FOXM1: variants seen among roughly 807,000 people sequenced by gnomAD.
FOXM1 encodes forkhead box M1, also known as forkhead box protein M1.
A neutral mutation model predicts 63.6 loss-of-function variants in FOXM1; 25 were observed. The observed-to-expected ratio is 0.39, with a 90% confidence interval of 0.29 to 0.55. The LOEUF is 0.55. Among genes scored for constraint, FOXM1 ranks in the 20% least tolerant of loss-of-function variants. The pLI, the probability that FOXM1 is intolerant of heterozygous loss-of-function variation, is 0.60. For synonymous variants in FOXM1, 387 were observed against 376.9 expected, an observed-to-expected ratio of 1.03 and a Z score of -0.31; for missense variants, 879 against 958.7, an observed-to-expected ratio of 0.92 and a Z score of 1.10.
At chr12:2,861,920 C>G (rs1479877505) in intron 8 of FOXM1, among the ~76,000 whole-genome samples, 1 of 152,122 alleles carries the variant, frequency 6.6e-6, no homozygotes, top group Non-Finnish European at 1.5e-5. Flanking sequence ...GTGGGTCATT[C>G]CTGTAATCTC....
chr12:2,863,482 G>A (rs750995005), intron 8 of FOXM1, among the ~76,000 whole-genome samples: 3 of 151,246 alleles, frequency 2.0e-5, no homozygotes, highest in Non-Finnish European at 2.9e-5. Flanking sequence ...TCAACCTCCT[G>A]GACTCAAGTG....
At chr12:2,869,977 G>A (rs1400244093) in intron 3 of FOXM1, among the ~76,000 whole-genome samples, 7 of 151,264 alleles carry the variant, frequency 4.6e-5, no homozygotes, top group African/African-American at 7.3e-5. Flanking sequence ...ACATATACAC[G>A]CATGTAAATT....
chr12:2,875,761 ATT>A (rs568267379), intron 1 of FOXM1, among the ~76,000 whole-genome samples: 2 of 133,364 alleles, frequency 1.5e-5, no homozygotes, highest in Middle Eastern at 3.5e-3. Flanking sequence ...ATTTTTTTTA[ATT>A]TTTTTTTTTT....
rs2098112016 is a variant in FOXM1 at position 2,861,166 on chromosome 12, T to TC, written c.1267-1504dup. 6 of 496,392 alleles carry TC rather than the reference T, an allele frequency of 1.2e-5. No homozygotes were observed. In the South Asian group the frequency reaches 1.3e-4, roughly 11 times the overall value. The allele number at this position is 496,392 out of a possible 1,614,324, so 30.7% of individuals were successfully genotyped here. A position where few individuals can be genotyped will look rare whatever the true frequency, so the allele number is the denominator to read the frequency against. ...CTGGGTGACAGAGCAAGACTCCGTCTCAAAAAAAAAAAAAAAGAGCTCTCA... is the reference window on the plus strand; with the variant it reads ...CTGGGTGACAGAGCAAGACTCCGTCTCCAAAAAAAAAAAAAAAGAGCTCTCA... On this transcript the variant is annotated intron_variant, in intron 8 of 8. Transcript: ENST00000359843.
At chr12:2,865,082 C>A in intron 6 of FOXM1, 1 of 587,436 alleles carries the variant, frequency 1.7e-6, no homozygotes, top group Non-Finnish European at 3.0e-6. Context: ...AACTGCCGCC[C>A]CTGAGGCTGG....
Position 2,874,988 on chromosome 12 carries a change from A to ATTTTT in FOXM1, c.-47-468_-47-464dup, listed in dbSNP as rs556937133. Among the ~76,000 whole-genome samples, 1 of 127,164 alleles carries ATTTTT rather than the reference A, an allele frequency of 7.9e-6. No individual in the cohort carries two copies. The highest frequency in any genetic ancestry group is 3.0e-5 in the African/African-American group (1 of 33,060). The allele number at this position is 127,164 out of a possible 152,430, so 83.4% of individuals were successfully genotyped here. A position where few individuals can be genotyped will look rare whatever the true frequency, so the allele number is the denominator to read the frequency against. On this transcript the variant is annotated intron_variant, in intron 1 of 8. Coordinates refer to ENST00000359843, the MANE Select transcript of FOXM1 (RefSeq NM_021953.4). The surrounding 1 kb of genome is among the most constrained non-coding windows in gnomAD (Gnocchi z 4.3). The stretch of plus-strand genomic sequence containing the variant: ...AATCCATTCAAGACAAAGGATTTTA[A>ATTTTT]TTTTTTTTTTTTTTTTTTTTTTGAG...
At chr12:2,860,010 A>G (rs1445926669) in intron 8 of FOXM1, among the ~76,000 whole-genome samples, 1 of 152,154 alleles carries the variant, frequency 6.6e-6, no homozygotes, top group African/African-American at 2.4e-5. Context: ...ACAACCCCCA[A>G]CTGCTAAATT....
At chr12:2,868,802 AC>A in intron 3 of FOXM1, 48 bp from the exon 4 acceptor site, 2 of 1,480,028 alleles carry the variant, frequency 1.4e-6, no homozygotes, top group Non-Finnish European at 1.8e-6. Context: ...CATGAGAAGC[AC>A]CCCCAACCCA....
intron 8 of FOXM1, chr12:2,861,169 A>C: frequency 3.3e-6 from 1 of 302,372 alleles, no homozygotes; most frequent in Non-Finnish European, 6.3e-6. Flanking sequence ...CTCCGTCTCA[A>C]AAAAAAAAAA....
chr12:2,865,652 T>C (rs1251767003), intron 5 of FOXM1, among the ~76,000 whole-genome samples: 1 of 139,930 alleles, frequency 7.1e-6, no homozygotes, highest in African/African-American at 2.8e-5. Flanking sequence ...GCTTTTTTTT[T>C]TTTTTTTTTT....
Position 2,858,928 on chromosome 12 carries a change from G to C in FOXM1, c.2002C>G (p.Pro668Ala). ...DLSTTPLQSA[P>A]PLESPQRLLS... ...AGCCTTTGCGGTGATTCAAGGGGGG[G>C]AGCACTTTGCAAGGGAGTGGTGCTG... The change falls in exon 9 of 9, where the codon CCC becomes GCC. Residue 668 changes from proline to alanine, a missense_variant. Pro to Ala is a conservative substitution (Grantham distance 27, BLOSUM62 -1). Coordinates refer to ENST00000359843, the MANE Select transcript of FOXM1 (RefSeq NM_021953.4). 6.2e-7 allele frequency: 1 copy of C among 1,613,750 alleles called. No homozygotes were observed. The highest frequency in any genetic ancestry group is 8.5e-7 in the Non-Finnish European group (1 of 1,179,992).
intron 6 of FOXM1, 54 bp downstream of exon 6, chr12:2,865,301 G>GAA (rs1167630132): frequency 1.3e-6 from 2 of 1,482,454 alleles, no homozygotes; most frequent in Non-Finnish European, 1.9e-6. Flanking sequence ...AAGCCATGCT[G>GAA]AGCAGTGAAA....
chr12:2,870,206 C>T (rs759410410), intron 3 of FOXM1, among the ~76,000 whole-genome samples: 8 of 151,146 alleles, frequency 5.3e-5, no homozygotes, highest in Non-Finnish European at 8.9e-5. Context: ...GAACTCCCGA[C>T]GTCAGGTGAT....
rs747485975 is a variant in FOXM1 at position 2,858,646 on chromosome 12, G to A, written c.2284C>T (p.Leu762=). The A allele has an allele frequency of 6.8e-6, 11 of 1,613,616 alleles. No individual in the cohort carries two copies. The African/African-American group carries it at 1.5e-4, about 22-fold the overall frequency. Residue 762 remains leucine, a synonymous_variant, in exon 9 of 9, where the codon CTA becomes TTA. Transcript: ENST00000359843. ...GGGGCAAGGGCAGGGCTCTACTGTA[G>A]CTCAGGAATAAACTGGGACCAGTTG... ...NINWSQFIPE[L]Q
Position 2,859,039 on chromosome 12 carries a change from T to C in FOXM1, c.1891A>G (p.Lys631Glu). The change falls in exon 9 of 9, where the codon AAA becomes GAA. Residue 631 changes from lysine to glutamate, a missense_variant. Lys to Glu is a moderately conservative substitution (Grantham distance 56, BLOSUM62 1). Transcript: ENST00000359843. ...PESWRLTPPA[K>E]VGGLDFSPVQ... ...GGGCTGAAATCCAGTCCCCCTACTTTGGCTGGGGGCGTGAGCCTCCAGGAT... is the reference window on the plus strand; with the variant it reads ...GGGCTGAAATCCAGTCCCCCTACTTCGGCTGGGGGCGTGAGCCTCCAGGAT... 1 of 1,609,498 alleles carries C rather than the reference T, an allele frequency of 6.2e-7. No homozygotes were observed. Among genetic ancestry groups the C allele is most frequent in the South Asian group, 1.1e-5 (1 of 90,864 alleles).
rs2098135023 is a variant in FOXM1 at position 2,872,563 on chromosome 12, T to C, written c.503-316A>G. Among the ~76,000 whole-genome samples, 1 of 152,040 alleles carries C rather than the reference T, an allele frequency of 6.6e-6. No homozygotes were observed. The highest frequency in any genetic ancestry group is 6.6e-5 in the Admixed American group (1 of 15,248). ...GACGAAGGCTGCAGTGAGCCAACATTGCGCCACTACACTCCAGCCTGAGTG... is the reference window on the plus strand; with the variant it reads ...GACGAAGGCTGCAGTGAGCCAACATCGCGCCACTACACTCCAGCCTGAGTG... On this transcript the variant is annotated intron_variant, in intron 2 of 8. Transcript: ENST00000359843. This position sits in a 1 kb window ranked among gnomAD's most constrained non-coding sequence, Gnocchi z 4.0.
At chr12:2,875,445 T>G (rs1249142022) in intron 1 of FOXM1, among the ~76,000 whole-genome samples, 1 of 152,220 alleles carries the variant, frequency 6.6e-6, no homozygotes, top group Non-Finnish European at 1.5e-5. Context: ...TGAAGGCCCA[T>G]GTAAAGTTGT....
At chr12:2,873,202 A>G (rs533992205) in intron 2 of FOXM1, among the ~76,000 whole-genome samples, 1 of 152,206 alleles carries the variant, frequency 6.6e-6, no homozygotes, top group African/African-American at 2.4e-5. Context: ...GTTCAAGACC[A>G]ACCTGGCTAA....
rs1343377822 is a variant in FOXM1 at position 2,867,604 on chromosome 12, G to C, written c.846+959C>G. Among the ~76,000 whole-genome samples, 18 of 150,602 alleles carry C rather than the reference G, an allele frequency of 1.2e-4. No homozygotes were observed. In the South Asian group the frequency reaches 3.0e-3, roughly 25 times the overall value. On this transcript the variant is annotated intron_variant, in intron 4 of 8. Transcript: ENST00000359843. ...GTGAACCCAGGAGGCGGAGCTTGCA[G>C]TGAGCCGAGATCGCGCCACTGCACT...
Sources: allele counts gnomAD v4.1 joint callset (sites outside exome capture counted in the v4.1 genomes callset), GRCh38; gene constraint gnomAD v4.1.1; non-coding constraint Gnocchi (gnomAD v3.1); transcripts MANE v1.5; gene names NCBI Gene and HGNC (gene_info 2026-07-23, HGNC 2026-07-21).